IL1RAPL2: variants seen among roughly 807,000 people sequenced by gnomAD.
IL1RAPL2 encodes X-linked interleukin-1 receptor accessory protein-like 2.
IL1RAPL2 carries 3 observed loss-of-function variants against 44.1 expected under a neutral mutation model. That is an observed-to-expected ratio of 0.07 (90% CI 0.03 to 0.18). The LOEUF is 0.18. Ranked by LOEUF, IL1RAPL2 falls within the 10% of genes least tolerant of loss-of-function variation. The pLI is 1.00. For synonymous variants in IL1RAPL2, 181 were observed against 178.8 expected, an observed-to-expected ratio of 1.01 and a Z score of -0.10; for missense variants, 391 against 496.4, an observed-to-expected ratio of 0.79 and a Z score of 2.02.
At chrX:105,074,966 A>T (rs2032269906) in intron 2 of IL1RAPL2, among the ~76,000 whole-genome samples, 1 of 111,352 alleles carries the variant, frequency 9.0e-6, no homozygotes, top group African/African-American at 3.3e-5. Context: ...TTTTCTAGAT[A>T]TACAATCATG....
intron 1 of IL1RAPL2, among the ~76,000 whole-genome samples, chrX:104,579,116 G>T (rs1223914627): frequency 2.7e-5 from 3 of 111,582 alleles, no homozygotes. Flanking sequence ...ACTTGGGGTA[G>T]GGGCAGAGAA....
intron 2 of IL1RAPL2, among the ~76,000 whole-genome samples, chrX:105,127,280 T>G (rs2032983925): frequency 9.0e-6 from 1 of 111,481 alleles, no homozygotes; most frequent in Non-Finnish European, 1.9e-5. Context: ...TTAGAGACAC[T>G]TTCTTATTCC....
intron 8 of IL1RAPL2, among the ~76,000 whole-genome samples, chrX:105,747,545 CACACACATATAT>C (rs752916597): frequency 5.0e-4 from 50 of 99,323 alleles, no homozygotes; most frequent in Admixed American, 1.7e-3. Flanking sequence ...TACACACACA[CACACACATATAT>C]ACACACATAT....
intron 5 of IL1RAPL2, among the ~76,000 whole-genome samples, chrX:105,455,190 C>A (rs1048751715): frequency 2.7e-5 from 3 of 112,139 alleles, no homozygotes; most frequent in Non-Finnish European, 5.6e-5. Context: ...TATATTGATA[C>A]AATTCAACTA....
At chrX:105,525,768 C>T (rs774247426) in intron 6 of IL1RAPL2, among the ~76,000 whole-genome samples, 4 of 111,351 alleles carry the variant, frequency 3.6e-5, no homozygotes. Context: ...AGATAGAAAA[C>T]ACTTCTCTCC....
chrX:105,685,721 G>T (rs1481525664), intron 6 of IL1RAPL2, among the ~76,000 whole-genome samples: 1 of 111,072 alleles, frequency 9.0e-6, no homozygotes, highest in African/African-American at 3.3e-5. Flanking sequence ...GATACTCCTC[G>T]AGAAGAGCAA....
At chrX:104,718,984 T>C (rs1286413111) in intron 2 of IL1RAPL2, among the ~76,000 whole-genome samples, 1 of 111,732 alleles carries the variant, frequency 8.9e-6, no homozygotes, top group East Asian at 2.8e-4. Context: ...CAAAAACACA[T>C]AGTGGGTTGT....
intron 2 of IL1RAPL2, among the ~76,000 whole-genome samples, chrX:104,805,608 A>G (rs943083166): frequency 4.5e-5 from 5 of 112,126 alleles, no homozygotes; most frequent in African/African-American, 1.6e-4. Flanking sequence ...TCTGCACTGA[A>G]TAAAATGATC....
At chrX:104,819,103 C>T (rs1921229474) in intron 2 of IL1RAPL2, among the ~76,000 whole-genome samples, 1 of 111,952 alleles carries the variant, frequency 8.9e-6, no homozygotes, top group South Asian at 3.7e-4. Context: ...ATTTAGAGTG[C>T]CGTATCCTAA....
chrX:105,518,166 T>C (rs1468499766), intron 6 of IL1RAPL2, among the ~76,000 whole-genome samples: 1 of 108,920 alleles, frequency 9.2e-6, no homozygotes, highest in African/African-American at 3.3e-5. Flanking sequence ...GAAGAAAATA[T>C]AGAGAATTAG....
intron 2 of IL1RAPL2, among the ~76,000 whole-genome samples, chrX:104,692,515 C>T (rs900631692): frequency 2.7e-4 from 29 of 108,662 alleles, no homozygotes; most frequent in African/African-American, 4.7e-4. Flanking sequence ...CCCCACCCCA[C>T]GACAGGCCCT....
chrX:105,602,384 A>C (rs1387206846), intron 6 of IL1RAPL2, among the ~76,000 whole-genome samples: 1 of 110,315 alleles, frequency 9.1e-6, no homozygotes, highest in Non-Finnish European at 1.9e-5. Context: ...AAAATAAACC[A>C]GTAAGAAAAA....
At chrX:105,242,928 G>A (rs2034184224) in intron 4 of IL1RAPL2, among the ~76,000 whole-genome samples, 1 of 110,181 alleles carries the variant, frequency 9.1e-6, no homozygotes, top group Admixed American at 9.7e-5. Flanking sequence ...GTGAAACTCC[G>A]TCTCTACTAA....
intron 6 of IL1RAPL2, among the ~76,000 whole-genome samples, chrX:105,711,190 T>A (rs772719963): frequency 1.8e-5 from 2 of 110,504 alleles, no homozygotes; most frequent in South Asian, 3.9e-4. Context: ...GTCCATTTTC[T>A]ACTGCTGTAA....
chrX:104,583,532 G>A (rs1185380523), intron 1 of IL1RAPL2, among the ~76,000 whole-genome samples: 1 of 111,795 alleles, frequency 8.9e-6, no homozygotes, highest in Non-Finnish European at 1.9e-5. Context: ...CCTTCGCTCT[G>A]GCATGATGTT....
chrX:104,753,203 T>C (rs1361713012), intron 2 of IL1RAPL2, among the ~76,000 whole-genome samples: 1 of 108,306 alleles, frequency 9.2e-6, no homozygotes, highest in East Asian at 2.9e-4. Flanking sequence ...AAGAAGATGC[T>C]CAACAAGTAC....
intron 5 of IL1RAPL2, among the ~76,000 whole-genome samples, chrX:105,396,371 A>AT (rs1411928433): frequency 9.4e-6 from 1 of 105,843 alleles, no homozygotes; most frequent in African/African-American, 3.4e-5. Context: ...AGGTATAAAT[A>AT]TTTTTTTAAA....
At chrX:105,459,812 T>C (rs186733283) in intron 5 of IL1RAPL2, among the ~76,000 whole-genome samples, 14 of 111,752 alleles carry the variant, frequency 1.3e-4, no homozygotes, top group Middle Eastern at 4.6e-3. Flanking sequence ...TTTGCTACCC[T>C]AGCTGGGATC....
chrX:105,739,035 T>C (rs1214831964), intron 7 of IL1RAPL2, among the ~76,000 whole-genome samples: 1 of 111,020 alleles, frequency 9.0e-6, no homozygotes. Context: ...TTCTCACTAA[T>C]GTATGGAGAT....
Sources: gnomAD v4.1 joint callset for allele counts (sites outside exome capture counted in the v4.1 genomes callset) on GRCh38, gnomAD v4.1.1 for gene constraint, MANE v1.5 for transcripts, NCBI Gene and HGNC (gene_info 2026-07-23, HGNC 2026-07-21) for gene names.